The following RXRA variants were observed in gnomAD, a reference collection of about 807,000 sequenced individuals.
The protein encoded by RXRA is retinoic acid receptor RXR-alpha.
A neutral mutation model predicts 44.5 loss-of-function variants in RXRA; 5 were observed. That is an observed-to-expected ratio of 0.11 (90% CI 0.06 to 0.24). RXRA has a LOEUF of 0.24. RXRA is among the 10% of genes least tolerant of loss of function. The probability of loss-of-function intolerance (pLI) is 1.00; values close to 1 mark genes in which losing one functional copy is unlikely to be tolerated. For missense variants in RXRA, 412 were observed against 646.5 expected (o/e 0.64, Z 3.93); for synonymous variants, 291 against 271.4 (o/e 1.07, Z -0.71).
intron 5 of RXRA, among the ~76,000 whole-genome samples, chr9:134,419,444 G>A (rs929429311): frequency 1.2e-4 from 19 of 152,286 alleles, no homozygotes; most frequent in Middle Eastern, 3.4e-3. Context: ...CTCTGTGCCC[G>A]CTCACTCCCT....
chr9:134,419,657 G>A (rs1831296124), intron 5 of RXRA, among the ~76,000 whole-genome samples: 1 of 152,234 alleles, frequency 6.6e-6, no homozygotes, highest in Non-Finnish European at 1.5e-5. Context: ...TTCTAGGCAG[G>A]AGTAGAGCCC....
intron 1 of RXRA, among the ~76,000 whole-genome samples, chr9:134,399,257 T>C (rs1830925145): frequency 6.6e-6 from 1 of 152,206 alleles, no homozygotes; most frequent in Non-Finnish European, 1.5e-5. Context: ...CATGGTTGCC[T>C]GGCCTAGGGG....
At chr9:134,383,095 A>G (rs2119106264) in intron 1 of RXRA, among the ~76,000 whole-genome samples, 1 of 152,234 alleles carries the variant, frequency 6.6e-6, no homozygotes, top group Admixed American at 6.5e-5. Context: ...GTGGGGACAG[A>G]CAGGGTGGGC....
intron 2 of RXRA, 147 bp downstream of exon 2, chr9:134,402,029 G>A: frequency 2.8e-6 from 2 of 704,452 alleles, no homozygotes; most frequent in South Asian, 2.0e-5. Flanking sequence ...GAGCCTCGGG[G>A]AGCAGAGTGC....
chr9:134,391,127 C>G (rs779620064), intron 1 of RXRA, among the ~76,000 whole-genome samples: 46 of 152,192 alleles, frequency 3.0e-4, no homozygotes, highest in Non-Finnish European at 5.4e-4. Context: ...GGGGATGTCC[C>G]CCAGAGAGGC....
Position 134,433,696 on chromosome 9 carries a change from A to G in RXRA, c.1136-406A>G, listed in dbSNP as rs1465909191. Reference sequence around the variant, plus strand: ...GGGTACTCCTGGGGGCAGCAGCGCTATCTCCCATCCATGTTATGGGGCTGG... The same window carrying G: ...GGGTACTCCTGGGGGCAGCAGCGCTGTCTCCCATCCATGTTATGGGGCTGG... On this transcript the variant is annotated intron_variant, in intron 8 of 9. Transcript: ENST00000481739. This position sits in a 1 kb window ranked among gnomAD's most constrained non-coding sequence, Gnocchi z 4.2. Among the ~76,000 whole-genome samples the G allele has an allele frequency of 1.3e-5, 2 of 152,106 alleles. No individual in the cohort carries two copies. Among genetic ancestry groups the G allele is most frequent in the Non-Finnish European group, 2.9e-5 (2 of 68,010 alleles).
At chr9:134,404,468 G>C (rs1033237541) in intron 2 of RXRA, 1 of 152,430 alleles carries the variant, frequency 6.6e-6, no homozygotes, top group African/African-American at 2.4e-5. Context: ...CGGCTCACCT[G>C]GGCGCGTTGC....
At chr9:134,418,010 C>T (rs1270145510) in intron 5 of RXRA, among the ~76,000 whole-genome samples, 1 of 152,180 alleles carries the variant, frequency 6.6e-6, no homozygotes, top group Non-Finnish European at 1.5e-5. Flanking sequence ...GCCTCGCCCT[C>T]CTCTCCTTGG....
At chr9:134,424,866 G>A in intron 6 of RXRA, 2 of 985,444 alleles carry the variant, frequency 2.0e-6, no homozygotes, top group Non-Finnish European at 2.4e-6. Flanking sequence ...TTTTCTTCTG[G>A]CAGGAGGCAG....
intron 1 of RXRA, among the ~76,000 whole-genome samples, chr9:134,334,018 C>T (rs990427371): frequency 6.6e-6 from 1 of 152,252 alleles, no homozygotes; most frequent in Admixed American, 6.5e-5. Flanking sequence ...ACTTGGTGCC[C>T]AGAGCCTGCA....
rs1158114771 is a variant in RXRA at position 134,439,904 on chromosome 9, C to T, written c.*3290C>T. 6.6e-6 allele frequency: 1 copy of T among 152,358 alleles called. No individual in the cohort carries two copies. The highest frequency in any genetic ancestry group is 1.5e-5 in the Non-Finnish European group (1 of 68,038). 9.4% of individuals were successfully genotyped at this position (152,358 alleles called of 1,614,324 possible). On this transcript the variant is annotated 3_prime_UTR_variant, in exon 10 of 10. Coordinates refer to ENST00000481739, the MANE Select transcript of RXRA (RefSeq NM_002957.6). ...CATAAGGACCCTCCTTTGGTGAAAT[C>T]CGGGTTCGAATGAATATCTCAAGGC...
At chr9:134,427,661 C>T (rs370342835) in intron 6 of RXRA, among the ~76,000 whole-genome samples, 3 of 152,184 alleles carry the variant, frequency 2.0e-5, no homozygotes, top group South Asian at 4.1e-4. Flanking sequence ...GACGGTGACA[C>T]CTGCCCCCGG....
At chr9:134,414,975 C>G (rs1831211018) in intron 4 of RXRA, among the ~76,000 whole-genome samples, 1 of 152,224 alleles carries the variant, frequency 6.6e-6, no homozygotes, top group African/African-American at 2.4e-5. Context: ...CCGGAGCCTT[C>G]TGCAGCCTCT....
At chr9:134,391,279 G>A (rs1830795546) in intron 1 of RXRA, among the ~76,000 whole-genome samples, 2 of 152,216 alleles carry the variant, frequency 1.3e-5, no homozygotes, top group Non-Finnish European at 2.9e-5. Flanking sequence ...AGGAACTGCA[G>A]GGGTGTTCCT....
At chr9:134,400,556 C>T (rs1005050756) in intron 1 of RXRA, among the ~76,000 whole-genome samples, 8 of 152,210 alleles carry the variant, frequency 5.3e-5, no homozygotes, top group East Asian at 3.9e-4. Flanking sequence ...CTCCAGCTCC[C>T]GGCACTTGCT....
At chr9:134,364,981 A>T (rs1325874213) in intron 1 of RXRA, among the ~76,000 whole-genome samples, 1 of 152,090 alleles carries the variant, frequency 6.6e-6, no homozygotes, top group African/African-American at 2.4e-5. Flanking sequence ...CTGCCCTCTT[A>T]CTTATGAGGA....
rs1835009887 is a variant in RXRA at position 134,331,764 on chromosome 9, G to A, written c.28+5105G>A. ...GTCTGTGGGCCAGCCTTTGTGTCCC[G>A]CTGTGGGGCCTGCTTTTTCTCCGGC... On this transcript the variant is annotated intron_variant, in intron 1 of 9. Transcript: ENST00000481739. Among the ~76,000 whole-genome samples the A allele has an allele frequency of 2.6e-5, 3 of 117,026 alleles. 1 individual carries two copies. Among genetic ancestry groups the A allele is most frequent in the South Asian group, 5.0e-4 (2 of 4,002 alleles). The allele number at this position is 117,026 out of a possible 152,430, so 76.8% of individuals were successfully genotyped here. A position where few individuals can be genotyped will look rare whatever the true frequency, so the allele number is the denominator to read the frequency against.
chr9:134,435,271 C>G (rs877955), intron 9 of RXRA, among the ~76,000 whole-genome samples: 1,660 of 152,318 alleles, frequency 0.011, 27 homozygotes, highest in African/African-American at 0.038. Flanking sequence ...TGGGCAGACA[C>G]GGCCAGCCGG....
chr9:134,372,196 T>C (rs67022788), intron 1 of RXRA: 40,962 of 152,052 alleles, frequency 0.27, 5,702 homozygotes, highest in African/African-American at 0.33. Context: ...CAGTGCCGCT[T>C]GTAGAGGCAG....
Sources: allele counts gnomAD v4.1 joint callset (sites outside exome capture counted in the v4.1 genomes callset), GRCh38; gene constraint gnomAD v4.1.1; non-coding constraint Gnocchi (gnomAD v3.1); transcripts MANE v1.5; gene names NCBI Gene and HGNC (gene_info 2026-07-23, HGNC 2026-07-21).